The following MARCHF4 variants were observed in gnomAD, a reference collection of about 807,000 sequenced individuals.
The protein encoded by MARCHF4 is membrane associated ring-CH-type finger 4.
A neutral mutation model predicts 43.9 loss-of-function variants in MARCHF4; 14 were observed. That is an observed-to-expected ratio of 0.32 (90% CI 0.21 to 0.50). The LOEUF is 0.50. Ranked by LOEUF, MARCHF4 falls within the 20% of genes least tolerant of loss-of-function variation. The pLI is 0.98. For synonymous variants in MARCHF4, 226 were observed against 213.3 expected (o/e 1.06, Z -0.52); for missense variants, 468 against 536.7 (o/e 0.87, Z 1.27).
At chr2:216,337,601 A>C (rs112218646) in intron 1 of MARCHF4, among the ~76,000 whole-genome samples, 17 of 152,370 alleles carry the variant, frequency 1.1e-4, no homozygotes, top group Non-Finnish European at 1.5e-4. Context: ...TTAATCACTC[A>C]TTAGCTTAGA....
intron 1 of MARCHF4, among the ~76,000 whole-genome samples, chr2:216,344,895 C>G (rs575640474): frequency 3.3e-5 from 5 of 151,582 alleles, no homozygotes; most frequent in Admixed American, 6.6e-5. Flanking sequence ...GGGAAGGAGG[C>G]CGGGTGCTTC....
intron 1 of MARCHF4, among the ~76,000 whole-genome samples, chr2:216,354,757 A>C (rs1236339481): frequency 6.6e-6 from 1 of 152,182 alleles, no homozygotes; most frequent in African/African-American, 2.4e-5. Flanking sequence ...ATTGAGCAAG[A>C]CTGGTGAATA....
intron 1 of MARCHF4, among the ~76,000 whole-genome samples, chr2:216,354,920 T>TTTCTTTCTTTCTTTCTTTCTTTC (rs1692465946): frequency 1.7e-5 from 2 of 115,984 alleles, no homozygotes; most frequent in African/African-American, 7.0e-5. Flanking sequence ...TCTTTCTTTC[T>TTTCTTTCTTTCTTTCTTTCTTTC]TTCTTTCTTT....
intron 1 of MARCHF4, among the ~76,000 whole-genome samples, chr2:216,342,835 C>T (rs1407322768): frequency 6.6e-6 from 1 of 152,190 alleles, no homozygotes; most frequent in Non-Finnish European, 1.5e-5. Context: ...GGGTTCCAGT[C>T]TAGTTCCTTC....
chr2:216,336,378 G>A (rs756601723), intron 1 of MARCHF4, among the ~76,000 whole-genome samples: 3 of 152,128 alleles, frequency 2.0e-5, no homozygotes, highest in African/African-American at 7.2e-5. Context: ...TGAGTAATCC[G>A]TAATGCCTGC....
chr2:216,300,350 G>GTGTATATATATATATATATATATATATA (rs369678225), intron 1 of MARCHF4, among the ~76,000 whole-genome samples: 1 of 115,804 alleles, frequency 8.6e-6, no homozygotes, highest in African/African-American at 3.5e-5. Context: ...ATATATATAT[G>GTGTATATATATATATATATATATATATA]TATATATATA....
At chr2:216,335,660 C>T (rs1692145489) in intron 1 of MARCHF4, among the ~76,000 whole-genome samples, 1 of 151,784 alleles carries the variant, frequency 6.6e-6, no homozygotes, top group Admixed American at 6.6e-5. Context: ...TTCCAGGCAG[C>T]CAAAAAAGAG....
intron 1 of MARCHF4, among the ~76,000 whole-genome samples, chr2:216,285,032 T>G (rs1395873004): frequency 6.6e-6 from 1 of 152,150 alleles, no homozygotes; most frequent in Non-Finnish European, 1.5e-5. Context: ...TCTATGCATA[T>G]CCCTGTCTAC....
intron 1 of MARCHF4, among the ~76,000 whole-genome samples, chr2:216,306,430 G>A (rs1395255769): frequency 6.6e-6 from 1 of 152,130 alleles, no homozygotes. Flanking sequence ...ACTTTATTGT[G>A]TGTCTTTATA....
chr2:216,300,741 C>T (rs1012047610), intron 1 of MARCHF4, among the ~76,000 whole-genome samples: 1 of 152,128 alleles, frequency 6.6e-6, no homozygotes, highest in Admixed American at 6.5e-5. Flanking sequence ...GAATCCCCAA[C>T]TCCTAGCCTG....
Position 216,300,266 on chromosome 2 carries a change from TCTC to T in MARCHF4, c.517-16540_517-16538del, listed in dbSNP as rs530459072. Among the ~76,000 whole-genome samples, 7 of 151,484 alleles carry T rather than the reference TCTC, an allele frequency of 4.6e-5. No individual in the cohort carries two copies. In the South Asian group the frequency reaches 6.3e-4, roughly 14 times the overall value. ...CATGCCATATTTATTAATTTTCTTT[TCTC>T]CTCCTTTTCATCATTTGAATTTTTT... On this transcript the variant is annotated intron_variant, in intron 1 of 3. Transcript: ENST00000273067.
chr2:216,349,766 C>T (rs1056328261), intron 1 of MARCHF4, among the ~76,000 whole-genome samples: 3 of 152,104 alleles, frequency 2.0e-5, no homozygotes, highest in Non-Finnish European at 2.9e-5. Context: ...GTTAAAGTGA[C>T]AAGGCTGGAG....
In MARCHF4 at chr2:216,277,683, A is replaced by G; in HGVS notation, c.854T>C (p.Val285Ala). 2.5e-6 allele frequency: 4 copies of G among 1,611,038 alleles called. No homozygotes were observed. In the South Asian group the frequency reaches 3.3e-5, roughly 13 times the overall value. ...ICYGMYGFMD[V>A]VCIGLIIHEG... ...ACCCCCAGACCCACCTATGCACACCACGTCCATGAAGCCATACATCCCGTA... is the reference window on the plus strand; with the variant it reads ...ACCCCCAGACCCACCTATGCACACCGCGTCCATGAAGCCATACATCCCGTA... Residue 285 changes from valine (V) to alanine (A), a missense_variant, in exon 3 of 4, where the codon GTG becomes GCG. By Grantham distance (64) the Val-to-Ala change is moderately conservative. Transcript: ENST00000273067.
rs192504292 is a variant in MARCHF4 at position 216,313,649 on chromosome 2, C to T, written c.517-29920G>A. ...CTTTCTGTCTCTGACAGCTCTCCAT[C>T]TCTTTCAACCTTGTTCACAACTATT... On this transcript the variant is annotated intron_variant, in intron 1 of 3. Coordinates refer to ENST00000273067, the MANE Select transcript of MARCHF4 (RefSeq NM_020814.3). Among the ~76,000 whole-genome samples, 249 of 152,322 alleles carry T rather than the reference C, an allele frequency of 1.6e-3. 6 individuals carry two copies. The highest frequency in any genetic ancestry group is 0.011 in the Admixed American group (165 of 15,290).
intron 1 of MARCHF4, among the ~76,000 whole-genome samples, chr2:216,290,637 T>G (rs913126817): frequency 6.6e-6 from 1 of 152,160 alleles, no homozygotes; most frequent in Non-Finnish European, 1.5e-5. Flanking sequence ...AGGGCTGGTG[T>G]TGTGTTCATC....
At chr2:216,263,485 GAGAGAGAA>G (rs1690779368) in intron 3 of MARCHF4, among the ~76,000 whole-genome samples, 3 of 107,522 alleles carry the variant, frequency 2.8e-5, no homozygotes, top group African/African-American at 6.4e-5. Flanking sequence ...GAGAAAGAAG[GAGAGAGAA>G]AGAGAGAGAG....
At chr2:216,295,575 T>C (rs1691377017) in intron 1 of MARCHF4, among the ~76,000 whole-genome samples, 1 of 152,230 alleles carries the variant, frequency 6.6e-6, no homozygotes, top group African/African-American at 2.4e-5. Context: ...GGCTTTCATG[T>C]ACCCACCTAT....
chr2:216,292,406 C>T (rs1272699648), intron 1 of MARCHF4, among the ~76,000 whole-genome samples: 1 of 152,182 alleles, frequency 6.6e-6, no homozygotes, highest in African/African-American at 2.4e-5. Context: ...ATCAGAATTT[C>T]CCCTCCAGGG....
intron 1 of MARCHF4, among the ~76,000 whole-genome samples, chr2:216,361,687 C>T (rs1692581906): frequency 6.6e-6 from 1 of 152,176 alleles, no homozygotes; most frequent in African/African-American, 2.4e-5. Flanking sequence ...AGAAAATGTG[C>T]TAAACAGAGG....
Sources: allele counts gnomAD v4.1 joint callset (sites outside exome capture counted in the v4.1 genomes callset), GRCh38; gene constraint gnomAD v4.1.1; transcripts MANE v1.5; gene names NCBI Gene and HGNC (gene_info 2026-07-23, HGNC 2026-07-21).